KCNQ1: variants seen among roughly 807,000 people sequenced by gnomAD.
The protein encoded by KCNQ1 is potassium voltage-gated channel subfamily KQT member 1.
In KCNQ1, 49 loss-of-function variants were observed where a neutral mutation model predicts 72.4. The observed-to-expected ratio is 0.68, with a 90% confidence interval of 0.54 to 0.86. KCNQ1 has a LOEUF of 0.86. KCNQ1 is among the 40% of genes least tolerant of loss of function. KCNQ1 has a pLI of 0.00. For missense variants in KCNQ1, 790 were observed against 945.1 expected, an observed-to-expected ratio of 0.84 and a Z score of 2.15; for synonymous variants, 450 against 412.6, an observed-to-expected ratio of 1.09 and a Z score of -1.10.
chr11:2,643,268 C>T, intron 10 of KCNQ1: 1 of 398,180 alleles, frequency 2.5e-6, no homozygotes, highest in Non-Finnish European at 4.4e-6. Context: ...AATTGAAGTT[C>T]CCAAGATTAT....
rs1439679054 is a variant in KCNQ1, at chr11:2,645,758, A to G, written c.1394-16203A>G. On this transcript the variant is annotated intron_variant, in intron 10 of 15. Transcript: ENST00000155840. The surrounding 1 kb of genome is among the most constrained non-coding windows in gnomAD (Gnocchi z 5.8). ...GTCCATGGGGCTCCAGGGATGAGATAGAGGGATGTGGGGCCCACAGCAGAT... is the reference window on the plus strand; with the variant it reads ...GTCCATGGGGCTCCAGGGATGAGATGGAGGGATGTGGGGCCCACAGCAGAT... 3 of 398,638 alleles carry G rather than the reference A, an allele frequency of 7.5e-6. No homozygotes were observed. The highest frequency in any genetic ancestry group is 1.3e-5 in the Non-Finnish European group (3 of 226,212). 24.7% of individuals were successfully genotyped at this position (398,638 alleles called of 1,614,324 possible). A position where few individuals can be genotyped will look rare whatever the true frequency, so the allele number is the denominator to read the frequency against.
chr11:2,807,130 A>G (rs550499656), intron 15 of KCNQ1, among the ~76,000 whole-genome samples: 1 of 152,350 alleles, frequency 6.6e-6, no homozygotes, highest in African/African-American at 2.4e-5. Flanking sequence ...TGGCTGCTTT[A>G]GCCCGTTTGG....
In KCNQ1 at chr11:2,848,211, G is replaced by A. The variant is rs1197580257; in HGVS notation, c.*208G>A. 3.0e-6 allele frequency: 2 copies of A among 671,960 alleles called. No individual in the cohort carries two copies. Among genetic ancestry groups the A allele is most frequent in the East Asian group, 2.7e-5 (1 of 36,770 alleles). The allele number at this position is 671,960 out of a possible 1,614,324, so 41.6% of individuals were successfully genotyped here. A position where few individuals can be genotyped will look rare whatever the true frequency, so the allele number is the denominator to read the frequency against. ...CCACCTCTTCCTGGCCGGTGTGGGGGCCCCGTCTCAGGTCTGAGTTGTTAC... is the reference window on the plus strand; with the variant it reads ...CCACCTCTTCCTGGCCGGTGTGGGGACCCCGTCTCAGGTCTGAGTTGTTAC... On this transcript the variant is annotated 3_prime_UTR_variant, in exon 16 of 16. Transcript: ENST00000155840.
chr11:2,796,264 T>C (rs966897149), intron 15 of KCNQ1, among the ~76,000 whole-genome samples: 2 of 152,230 alleles, frequency 1.3e-5, no homozygotes, highest in Non-Finnish European at 2.9e-5. Flanking sequence ...CAGGTGACGC[T>C]GCCCCATGGC....
rs1183753844 is a variant in KCNQ1, at chr11:2,544,348, A to ATATATATGTG, written c.477+16338_477+16347dup. Among the ~76,000 whole-genome samples, 9 of 147,376 alleles carry ATATATATGTG rather than the reference A, an allele frequency of 6.1e-5. No homozygotes were observed. The highest frequency in any genetic ancestry group is 4.8e-4 in the Admixed American group (7 of 14,610). On this transcript the variant is annotated intron_variant, in intron 2 of 15. Transcript: ENST00000155840. This position sits in a 1 kb window ranked among gnomAD's most constrained non-coding sequence, Gnocchi z 4.4. ...TGTATATATATGTGTATGTATATGT[A>ATATATATGTG]TATATATGTGTATATATATGTGTAT... is the stretch of plus-strand genomic sequence containing the variant.
intron 2 of KCNQ1, among the ~76,000 whole-genome samples, chr11:2,553,276 T>A (rs1268071548): frequency 2.6e-5 from 4 of 152,138 alleles, no homozygotes; most frequent in African/African-American, 9.7e-5. Context: ...TACTATTTAT[T>A]TCTTGTTTTT....
At chr11:2,546,672 T>G (rs780225187) in intron 2 of KCNQ1, among the ~76,000 whole-genome samples, 1 of 152,204 alleles carries the variant, frequency 6.6e-6, no homozygotes, top group Non-Finnish European at 1.5e-5. Context: ...TTATTTACAT[T>G]CTTTATTTTT....
rs575507312 is a variant in KCNQ1 at position 2,492,382 on chromosome 11, G to A, written c.387-35546G>A. Among the ~76,000 whole-genome samples the A allele has an allele frequency of 8.5e-5, 13 of 152,214 alleles. No individual in the cohort carries two copies. The highest frequency in any genetic ancestry group is 5.8e-4 in the East Asian group (3 of 5,182). ...TGTTTTACTTTAAGTTCTGGAATAC[G>A]TGTGCTGAACGTGCAGGTTTGTTAC... On this transcript the variant is annotated intron_variant, in intron 1 of 15. Transcript: ENST00000155840. The surrounding 1 kb of genome is among the most constrained non-coding windows in gnomAD (Gnocchi z 4.1).
chr11:2,692,786 A>C (rs1850609538), intron 11 of KCNQ1: 1 of 398,538 alleles, frequency 2.5e-6, no homozygotes, highest in Admixed American at 4.4e-5. Flanking sequence ...TGTTTGACAA[A>C]TATTTCTTGA....
At chr11:2,756,395 C>G (rs1456896620) in intron 11 of KCNQ1, among the ~76,000 whole-genome samples, 3 of 147,548 alleles carry the variant, frequency 2.0e-5, no homozygotes, top group African/African-American at 7.6e-5. Flanking sequence ...AATATAATAC[C>G]AAGGAAAAGC....
At position 2,678,909 on chromosome 11, in the gene KCNQ1, A is replaced by T; in HGVS notation, c.1514+16828A>T. 3 of 398,630 alleles carry T rather than the reference A, an allele frequency of 7.5e-6. No homozygotes were observed. Among genetic ancestry groups the T allele is most frequent in the Non-Finnish European group, 1.3e-5 (3 of 226,072 alleles). 24.7% of individuals were successfully genotyped at this position (398,630 alleles called of 1,614,324 possible). A position where few individuals can be genotyped will look rare whatever the true frequency, so the allele number is the denominator to read the frequency against. ...GACCATTTCGTATACATGTATGATC[A>T]TACTTTCAGGGCATCTTGGAAAAAC... On this transcript the variant is annotated intron_variant, in intron 11 of 15. Transcript: ENST00000155840. This position sits in a 1 kb window ranked among gnomAD's most constrained non-coding sequence, Gnocchi z 4.9.
rs1016084453 is a variant in KCNQ1, at chr11:2,478,331, T to C, written c.386+32847T>C. 7.2e-5 allele frequency among the ~76,000 whole-genome samples: 11 copies of C among 152,314 alleles called. No homozygotes were observed. The East Asian group carries it at 1.5e-3, about 21-fold the overall frequency. The stretch of plus-strand genomic sequence containing the variant: ...TCTATGATTCCACTATGTTATGTAT[T>C]AGTCCATTTTCAAATTACTGATAAA... On this transcript the variant is annotated intron_variant, in intron 1 of 15. Coordinates refer to ENST00000155840, the MANE Select transcript of KCNQ1 (RefSeq NM_000218.3). This position sits in a 1 kb window ranked among gnomAD's most constrained non-coding sequence, Gnocchi z 4.0.
rs147604023 is a variant in KCNQ1, at chr11:2,579,914, T to C, written c.922-3521T>C. 7.0e-3 allele frequency among the ~76,000 whole-genome samples: 1,061 copies of C among 152,190 alleles called. 16 individuals are homozygous for C. The highest frequency in any genetic ancestry group is 0.021 in the African/African-American group (872 of 41,518). On this transcript the variant is annotated intron_variant, in intron 6 of 15. Coordinates refer to ENST00000155840, the MANE Select transcript of KCNQ1 (RefSeq NM_000218.3). The surrounding 1 kb of genome is among the most constrained non-coding windows in gnomAD (Gnocchi z 6.0). ...TACGCGAGCAGGTGGCTACCTCACC[T>C]GCTCACCTGACCCCAACTCCACTCT... is the stretch of plus-strand genomic sequence containing the variant.
At chr11:2,721,085 T>C (rs1238795527) in intron 11 of KCNQ1, among the ~76,000 whole-genome samples, 1 of 152,054 alleles carries the variant, frequency 6.6e-6, no homozygotes, top group Non-Finnish European at 1.5e-5. Context: ...AAAGAGTTTC[T>C]AAAAGGTGGG....
Position 2,537,855 on chromosome 11 carries a change from G to C in KCNQ1, c.477+9837G>C, listed in dbSNP as rs1589937456. On this transcript the variant is annotated intron_variant, in intron 2 of 15. Coordinates refer to ENST00000155840, the MANE Select transcript of KCNQ1 (RefSeq NM_000218.3). This position sits in a 1 kb window ranked among gnomAD's most constrained non-coding sequence, Gnocchi z 5.2. The stretch of plus-strand genomic sequence containing the variant: ...TTCAGCCTCCTGAGCAGCTGGGACT[G>C]TGGGTGCGTGCCACCATGCCCCGCT... Among the ~76,000 whole-genome samples the C allele has an allele frequency of 6.6e-6, 1 of 152,118 alleles. No homozygotes were observed. The highest frequency in any genetic ancestry group is 2.1e-4 in the South Asian group (1 of 4,832).
intron 11 of KCNQ1, among the ~76,000 whole-genome samples, chr11:2,733,814 A>ACACACACACACACACACACACACTCTCT: frequency 1.2e-5 from 1 of 86,660 alleles, no homozygotes; most frequent in Non-Finnish European, 2.4e-5. Context: ...ACACACACAC[A>ACACACACACACACACACACACACTCTCT]CTCTCTCACT....
intron 4 of KCNQ1, 22 bp from the exon 5 acceptor site, chr11:2,571,990 GC>G: frequency 6.2e-7 from 1 of 1,601,448 alleles, no homozygotes; most frequent in Non-Finnish European, 8.5e-7. Context: ...GGCTCCCTCA[GC>G]CCCACACCAT....
In KCNQ1 at chr11:2,791,731, G is replaced by A. The variant is rs12790738; in HGVS notation, c.1794+13694G>A. On this transcript the variant is annotated intron_variant, in intron 15 of 15. Coordinates refer to ENST00000155840, the MANE Select transcript of KCNQ1 (RefSeq NM_000218.3). ...TGGGGGGCCCGGGCCTCCCGGGCTC[G>A]GGTTCTGGCCCCAGGTCAGAGGTGG... Among the ~76,000 whole-genome samples the A allele has an allele frequency of 1.9e-4, 29 of 152,174 alleles. 1 individual carries two copies. The highest frequency in any genetic ancestry group is 1.5e-3 in the Admixed American group (23 of 15,304).
At chr11:2,577,118 G>A (rs773282629) in intron 6 of KCNQ1, among the ~76,000 whole-genome samples, 2 of 152,226 alleles carry the variant, frequency 1.3e-5, no homozygotes, top group East Asian at 1.9e-4. Flanking sequence ...TCCCTGGACC[G>A]AAAGGGCCTC....
Sources: allele counts gnomAD v4.1 joint callset (sites outside exome capture counted in the v4.1 genomes callset), GRCh38; gene constraint gnomAD v4.1.1; non-coding constraint Gnocchi (gnomAD v3.1); transcripts MANE v1.5; gene names NCBI Gene and HGNC (gene_info 2026-07-23, HGNC 2026-07-21).